Variants in VDAC1 observed in about 807,000 individuals in gnomAD.
VDAC1 encodes voltage dependent anion channel 1.
Under a neutral mutation model 34.7 loss-of-function variants are expected in VDAC1, and 10 were observed. The observed-to-expected ratio is 0.29, with a 90% CI of 0.18 to 0.49. The LOEUF is 0.49. Among genes scored for constraint, VDAC1 ranks in the 20% least tolerant of loss-of-function variants. The pLI, the probability that VDAC1 is intolerant of heterozygous loss-of-function variation, is 0.99. For missense variants in VDAC1, 230 were observed against 347.9 expected, an observed-to-expected ratio of 0.66 and a Z score of 2.69; for synonymous variants, 130 against 136.0, an observed-to-expected ratio of 0.96 and a Z score of 0.30.
chr5:134,100,916 C>G, the VDAC1 span, among the ~76,000 whole-genome samples: 5 of 152,270 alleles, frequency 3.3e-5, no homozygotes, highest in Non-Finnish European at 7.3e-5. Flanking sequence ...GGAACTGGAC[C>G]TGGGAGCAGT....
At chr5:134,079,278 C>G in the VDAC1 span, among the ~76,000 whole-genome samples, 1 of 152,320 alleles carries the variant, frequency 6.6e-6, no homozygotes, top group Admixed American at 6.5e-5. Flanking sequence ...CACGCCTGGC[C>G]CCCTCAAGCA....
the VDAC1 span, among the ~76,000 whole-genome samples, chr5:134,061,620 G>A: frequency 6.6e-6 from 1 of 151,782 alleles, no homozygotes; most frequent in Admixed American, 6.6e-5. Flanking sequence ...GGATCCTCCT[G>A]CCTCAGCCCC....
At chr5:133,985,905 T>C (rs1752890145) in intron 5 of VDAC1, among the ~76,000 whole-genome samples, 1 of 152,182 alleles carries the variant, frequency 6.6e-6, no homozygotes, top group African/African-American at 2.4e-5. Flanking sequence ...CTCTGACCAG[T>C]GGTGTGCACC....
the VDAC1 span, among the ~76,000 whole-genome samples, chr5:134,090,820 CACTT>C: frequency 6.6e-6 from 1 of 152,234 alleles, no homozygotes; most frequent in South Asian, 2.1e-4. Flanking sequence ...GGAGAAGACA[CACTT>C]ACAATAACAG....
At chr5:133,976,095 C>G in intron 6 of VDAC1, 74 bp from the exon 7 acceptor site, 3 of 1,584,322 alleles carry the variant, frequency 1.9e-6, no homozygotes, top group African/African-American at 2.7e-5. Flanking sequence ...CCACCCAAGT[C>G]TCCCAGAAGA....
At chr5:134,077,332 C>T in the VDAC1 span, among the ~76,000 whole-genome samples, 1 of 151,924 alleles carries the variant, frequency 6.6e-6, no homozygotes, top group African/African-American at 2.4e-5. Flanking sequence ...CTTTACTCTC[C>T]CAATTGCCTA....
chr5:133,978,489 C>G (rs1237379358), intron 6 of VDAC1, among the ~76,000 whole-genome samples: 1 of 152,184 alleles, frequency 6.6e-6, no homozygotes, highest in Non-Finnish European at 1.5e-5. Context: ...CTAGAAAGTA[C>G]AGGGAGACCC....
At chr5:134,066,611 T>C in the VDAC1 span, among the ~76,000 whole-genome samples, 2 of 152,238 alleles carry the variant, frequency 1.3e-5, no homozygotes, top group Non-Finnish European at 2.9e-5. Context: ...ATAAAAGTCC[T>C]GGCTAGTGTG....
the VDAC1 span, among the ~76,000 whole-genome samples, chr5:134,014,311 C>T: frequency 1.3e-5 from 2 of 152,040 alleles, no homozygotes; most frequent in East Asian, 3.9e-4. Context: ...AATAAAAAGA[C>T]ATACAAGTGG....
the VDAC1 span, among the ~76,000 whole-genome samples, chr5:134,060,116 T>C: frequency 2.0e-5 from 3 of 151,942 alleles, no homozygotes; most frequent in Non-Finnish European, 4.4e-5. Context: ...AGATACAGAC[T>C]CTAATGAGCA....
At chr5:134,105,012 G>A in the VDAC1 span, among the ~76,000 whole-genome samples, 2 of 152,308 alleles carry the variant, frequency 1.3e-5, no homozygotes, top group African/African-American at 4.8e-5. Flanking sequence ...CCCCCGCCTT[G>A]GGACAGTGAC....
chr5:134,104,135 C>G, the VDAC1 span, among the ~76,000 whole-genome samples: 1 of 152,244 alleles, frequency 6.6e-6, no homozygotes, highest in Non-Finnish European at 1.5e-5. Flanking sequence ...CCGCCCCAAC[C>G]AAGGGGCTGT....
At chr5:134,054,458 CTT>C in the VDAC1 span, among the ~76,000 whole-genome samples, 453 of 123,530 alleles carry the variant, frequency 3.7e-3, 1 homozygote, top group African/African-American at 8.5e-3. Context: ...TCCTTCCTTC[CTT>C]TTTTTTTTTT....
At chr5:134,012,846 T>G in the VDAC1 span, among the ~76,000 whole-genome samples, 1 of 152,068 alleles carries the variant, frequency 6.6e-6, no homozygotes, top group Non-Finnish European at 1.5e-5. Context: ...CCAACTATAC[T>G]AAAAGGCTAC....
the VDAC1 span, among the ~76,000 whole-genome samples, chr5:134,019,624 A>T: frequency 6.6e-6 from 1 of 151,880 alleles, no homozygotes; most frequent in South Asian, 2.1e-4. Context: ...TTATTTCCCC[A>T]CCTCCTATCC....
the VDAC1 span, among the ~76,000 whole-genome samples, chr5:134,066,395 A>G: frequency 2.0e-5 from 3 of 152,244 alleles, no homozygotes; most frequent in African/African-American, 7.2e-5. Context: ...TATATAACAA[A>G]TGAGCATGTC....
the VDAC1 span, among the ~76,000 whole-genome samples, chr5:134,089,894 A>G: frequency 6.6e-6 from 1 of 152,236 alleles, no homozygotes; most frequent in African/African-American, 2.4e-5. Context: ...TGGGAGGCTG[A>G]GGCAGGAGAA....
the VDAC1 span, among the ~76,000 whole-genome samples, chr5:134,088,747 T>C: frequency 6.6e-6 from 1 of 152,212 alleles, no homozygotes; most frequent in Non-Finnish European, 1.5e-5. Context: ...CCTACATCTT[T>C]CCCCCTTGCT....
the VDAC1 span, among the ~76,000 whole-genome samples, chr5:134,080,669 C>T: frequency 1.3e-5 from 2 of 152,186 alleles, no homozygotes; most frequent in Admixed American, 6.6e-5. Flanking sequence ...ACCCACCAGA[C>T]TGGGCTAGTG....
Sources: allele counts gnomAD v4.1 joint callset (sites outside exome capture counted in the v4.1 genomes callset), GRCh38; gene constraint gnomAD v4.1.1; transcripts MANE v1.5; gene names NCBI Gene and HGNC (gene_info 2026-07-23, HGNC 2026-07-21).